PTPRN2: variants seen among roughly 807,000 people sequenced by gnomAD.
The protein encoded by PTPRN2 is receptor-type tyrosine-protein phosphatase N2.
In PTPRN2, 74 loss-of-function variants were observed where a neutral mutation model predicts 118.8. The observed-to-expected ratio is 0.62, with a 90% CI of 0.52 to 0.76. PTPRN2 has a LOEUF of 0.76. Among genes scored for constraint, PTPRN2 ranks in the 30% least tolerant of loss-of-function variants. The pLI, the probability that PTPRN2 is intolerant of heterozygous loss-of-function variation, is 0.00. For synonymous variants in PTPRN2, 641 were observed against 608.0 expected (o/e 1.05, Z -0.80); for missense variants, 1,481 against 1,394.4 (o/e 1.06, Z -0.99).
intron 2 of PTPRN2, among the ~76,000 whole-genome samples, chr7:158,416,156 G>A (rs1814639053): frequency 6.6e-6 from 1 of 152,160 alleles, no homozygotes; most frequent in South Asian, 2.1e-4. Flanking sequence ...GCCTTCCCTG[G>A]GCCCCATGCA....
chr7:158,412,796 GCTC>G, intron 2 of PTPRN2, among the ~76,000 whole-genome samples: 1 of 115,188 alleles, frequency 8.7e-6, no homozygotes, highest in East Asian at 2.9e-4. Context: ...ACCCTCCTCA[GCTC>G]CAGGGCCCAT....
intron 11 of PTPRN2, among the ~76,000 whole-genome samples, chr7:157,946,217 T>A (rs1800477109): frequency 1.3e-5 from 2 of 152,116 alleles, no homozygotes; most frequent in African/African-American, 4.8e-5. Context: ...AAAGCAACTG[T>A]CTGAAGCCTC....
chr7:158,057,665 C>A (rs1161966442), intron 11 of PTPRN2, among the ~76,000 whole-genome samples: 1 of 152,144 alleles, frequency 6.6e-6, no homozygotes, highest in East Asian at 1.9e-4. Context: ...AGAGCCCAGG[C>A]CCCACTTCCT....
intron 11 of PTPRN2, among the ~76,000 whole-genome samples, chr7:158,074,293 G>A (rs952136156): frequency 1.3e-5 from 2 of 152,178 alleles, no homozygotes; most frequent in South Asian, 2.1e-4. Context: ...GAGGCTGGGC[G>A]TTCCGTGGAG....
chr7:158,310,381 G>A (rs555206803), intron 3 of PTPRN2, among the ~76,000 whole-genome samples: 1 of 152,378 alleles, frequency 6.6e-6, no homozygotes, highest in South Asian at 2.1e-4. Context: ...AGCATTCTGT[G>A]AGGCCTGGGA....
chr7:158,135,842 C>G (rs1359613126), intron 8 of PTPRN2, among the ~76,000 whole-genome samples: 1 of 152,254 alleles, frequency 6.6e-6, no homozygotes, highest in African/African-American at 2.4e-5. Context: ...GAGAGAATGA[C>G]TAACCAAAGA....
At chr7:158,224,593 G>C (rs1177505859) in intron 3 of PTPRN2, among the ~76,000 whole-genome samples, 1 of 152,070 alleles carries the variant, frequency 6.6e-6, no homozygotes, top group Admixed American at 6.6e-5. Flanking sequence ...AGCAACTCAT[G>C]GACATAAATG....
At chr7:158,236,620 C>T (rs1471206370) in intron 3 of PTPRN2, among the ~76,000 whole-genome samples, 1 of 152,172 alleles carries the variant, frequency 6.6e-6, no homozygotes, top group Non-Finnish European at 1.5e-5. Context: ...CGTGATGGCA[C>T]TCAGTGGGAC....
intron 12 of PTPRN2, among the ~76,000 whole-genome samples, chr7:157,890,608 C>T (rs949823861): frequency 1.3e-5 from 2 of 152,204 alleles, no homozygotes; most frequent in African/African-American, 2.4e-5. Context: ...CGCCACTGCA[C>T]TCCAGCCTGG....
intron 12 of PTPRN2, among the ~76,000 whole-genome samples, chr7:157,705,314 A>G (rs1250080242): frequency 6.6e-6 from 1 of 152,124 alleles, no homozygotes; most frequent in Non-Finnish European, 1.5e-5. Context: ...ACAAAACAAA[A>G]CACAACAAAA....
intron 3 of PTPRN2, among the ~76,000 whole-genome samples, chr7:158,208,957 G>A (rs1827372838): frequency 6.6e-6 from 1 of 152,118 alleles, no homozygotes; most frequent in African/African-American, 2.4e-5. Flanking sequence ...GTTTGCTTAT[G>A]TAATCAATGT....
intron 2 of PTPRN2, among the ~76,000 whole-genome samples, chr7:158,327,377 T>TCCTCCCCA (rs1803715173): frequency 1.5e-5 from 1 of 66,250 alleles, no homozygotes; most frequent in East Asian, 4.0e-4. Context: ...ACACACACAT[T>TCCTCCCCA]ATCACATGCA....
intron 6 of PTPRN2, among the ~76,000 whole-genome samples, chr7:158,145,948 T>A (rs1414848232): frequency 5.9e-5 from 9 of 152,194 alleles, no homozygotes; most frequent in Admixed American, 5.9e-4. Flanking sequence ...TTTCCATATC[T>A]GTAAAATGGT....
chr7:157,639,063 G>T (rs1231916099), intron 14 of PTPRN2, among the ~76,000 whole-genome samples: 2 of 150,968 alleles, frequency 1.3e-5, no homozygotes, highest in Non-Finnish European at 2.9e-5. Context: ...TTTTGACAGA[G>T]TCTTGCTCTG....
At chr7:157,838,159 T>C (rs1426167081) in intron 12 of PTPRN2, among the ~76,000 whole-genome samples, 21 of 111,372 alleles carry the variant, frequency 1.9e-4, no homozygotes, top group African/African-American at 4.1e-4. Flanking sequence ...TCCTCTCCAC[T>C]ATGCCTACTC....
intron 11 of PTPRN2, among the ~76,000 whole-genome samples, chr7:158,072,662 G>A (rs1035830201): frequency 6.6e-6 from 1 of 152,112 alleles, no homozygotes; most frequent in Non-Finnish European, 1.5e-5. Context: ...GTGTCAGGAG[G>A]AACTTTCCTG....
intron 12 of PTPRN2, among the ~76,000 whole-genome samples, chr7:157,768,703 A>G (rs1312884748): frequency 1.3e-5 from 2 of 152,222 alleles, no homozygotes; most frequent in African/African-American, 4.8e-5. Flanking sequence ...TGGAAATCAC[A>G]CTGATTTCCT....
intron 2 of PTPRN2, among the ~76,000 whole-genome samples, chr7:158,435,923 G>C (rs1816543284): frequency 6.6e-6 from 1 of 152,124 alleles, no homozygotes; most frequent in Admixed American, 6.5e-5. Flanking sequence ...GCTGGGTCGG[G>C]GCAGGGTGAG....
At chr7:158,318,234 G>A (rs1394491762) in intron 2 of PTPRN2, among the ~76,000 whole-genome samples, 2 of 152,192 alleles carry the variant, frequency 1.3e-5, no homozygotes, top group Non-Finnish European at 2.9e-5. Flanking sequence ...CCTCAGACAC[G>A]CACCATTCAG....
Sources: allele counts gnomAD v4.1 joint callset (sites outside exome capture counted in the v4.1 genomes callset), GRCh38; gene constraint gnomAD v4.1.1; transcripts MANE v1.5; gene names NCBI Gene and HGNC (gene_info 2026-07-23, HGNC 2026-07-21).